The following WNK3 variants were observed in gnomAD, a reference collection of about 807,000 sequenced individuals.
WNK3 encodes WNK lysine deficient protein kinase 3, also known as serine/threonine-protein kinase WNK3.
A neutral mutation model predicts 116.7 loss-of-function variants in WNK3; 18 were observed. That is an observed-to-expected ratio of 0.15 (90% confidence interval 0.11 to 0.23). WNK3 has a LOEUF of 0.23. Among genes scored for constraint, WNK3 ranks in the 10% least tolerant of loss-of-function variants. WNK3 has a pLI of 1.00. For missense variants in WNK3, 993 were observed against 1,323.8 expected (o/e 0.75, Z 3.88); for synonymous variants, 404 against 469.4 (o/e 0.86, Z 1.80).
At chrX:54,292,706 CAA>C (rs1180750751) in intron 10 of WNK3, among the ~76,000 whole-genome samples, 180 bp downstream of exon 10, 1 of 22,471 alleles carries the variant, frequency 4.5e-5, no homozygotes, top group Non-Finnish European at 9.0e-5. Flanking sequence ...CACTCCACCT[CAA>C]AAAAAAAAAA....
chrX:54,211,345 G>T (rs1415561724), intron 22 of WNK3, among the ~76,000 whole-genome samples: 1 of 108,546 alleles, frequency 9.2e-6, no homozygotes, highest in Non-Finnish European at 1.9e-5. Flanking sequence ...GGGAGACTGA[G>T]GTGGGAGGAT....
chrX:54,270,260 C>A (rs57732697), intron 10 of WNK3, among the ~76,000 whole-genome samples: 3,462 of 109,613 alleles, frequency 0.032, 139 homozygotes, highest in African/African-American at 0.11. Flanking sequence ...CATGCACCAC[C>A]ACGCCCAGCT....
intron 22 of WNK3, among the ~76,000 whole-genome samples, chrX:54,218,920 A>G (rs141695736): frequency 2.3e-4 from 26 of 111,810 alleles, no homozygotes; most frequent in Non-Finnish European, 4.1e-4. Flanking sequence ...TGTCTCATAA[A>G]TAAATTGATA....
rs1006114774 is a variant in WNK3 at position 54,293,053 on chromosome X, G to T, written c.1888-16C>A. On this transcript the variant is annotated splice_polypyrimidine_tract_variant and intron_variant, in intron 9 of 23. Transcript: ENST00000354646. ...GCTTCTGTAACTGTTAAAATAAGGG[G>T]AAAAAAAGATTAAAGATAAACTTTC... 4.2e-6 allele frequency: 5 copies of T among 1,197,490 alleles called. No individual in the cohort carries two copies. Among genetic ancestry groups the T allele is most frequent in the Middle Eastern group, 2.3e-4 (1 of 4,305 alleles).
intron 2 of WNK3, among the ~76,000 whole-genome samples, chrX:54,321,985 A>C (rs1481919758): frequency 9.9e-6 from 1 of 101,185 alleles, no homozygotes; most frequent in African/African-American, 3.9e-5. Flanking sequence ...CTCCATCCCA[A>C]AAAAAAAAAA....
Position 54,201,600 on chromosome X carries a change from T to A in WNK3, c.5073+391A>T, listed in dbSNP as rs782637561. On this transcript the variant is annotated intron_variant, in intron 23 of 23. Transcript: ENST00000354646. ...TTCTTTGATACTTGCTGGATTTTTT[T>A]AAAAAAATAGAACAGTCTAAAACAA... Among the ~76,000 whole-genome samples, 7 of 111,844 alleles carry A rather than the reference T, an allele frequency of 6.3e-5. No individual in the cohort carries two copies. In the East Asian group the frequency reaches 8.3e-4, roughly 13 times the overall value.
intron 10 of WNK3, among the ~76,000 whole-genome samples, chrX:54,261,051 C>T (rs111350804): frequency 1.2e-3 from 130 of 109,368 alleles, no homozygotes; most frequent in Middle Eastern, 4.7e-3. Context: ...TTGTTTAAAA[C>T]TGCAGCCAGC....
At position 54,208,714 on chromosome X, in the gene WNK3, G is replaced by A. The variant is rs781870375; in HGVS notation, c.4871-6521C>T. Reference sequence around the variant, plus strand: ...TTTTATTATGTCTTGGGATCTCCCAGACCACCCACACATTCAGTGATTCAC... The same window carrying A: ...TTTTATTATGTCTTGGGATCTCCCAAACCACCCACACATTCAGTGATTCAC... On this transcript the variant is annotated intron_variant, in intron 22 of 23. Coordinates refer to ENST00000354646, the Ensembl canonical transcript of WNK3. 9.5e-4 allele frequency among the ~76,000 whole-genome samples: 106 copies of A among 111,898 alleles called. 1 individual carries two copies. The highest frequency in any genetic ancestry group is 1.8e-3 in the Admixed American group (19 of 10,511).
At chrX:54,292,706 C>CAAAAAA (rs1180750751) in intron 10 of WNK3, among the ~76,000 whole-genome samples, 182 bp downstream of exon 10, 2 of 22,486 alleles carry the variant, frequency 8.9e-5, no homozygotes, top group African/African-American at 1.6e-4. Context: ...CACTCCACCT[C>CAAAAAA]AAAAAAAAAA....
chrX:54,218,755 G>A (rs1432329986), intron 22 of WNK3, among the ~76,000 whole-genome samples: 2 of 109,195 alleles, frequency 1.8e-5, no homozygotes, highest in Non-Finnish European at 3.8e-5. Flanking sequence ...GTGGTGGTGC[G>A]CGTCTGTAAT....
At chrX:54,206,470 C>T (rs2067555117) in intron 22 of WNK3, among the ~76,000 whole-genome samples, 3 of 111,945 alleles carry the variant, frequency 2.7e-5, no homozygotes, top group African/African-American at 9.7e-5. Flanking sequence ...TGACGATTTG[C>T]TTAAATGTCA....
chrX:54,294,206 G>A, intron 8 of WNK3, among the ~76,000 whole-genome samples: 1 of 111,198 alleles, frequency 9.0e-6, no homozygotes, highest in African/African-American at 3.3e-5. Flanking sequence ...ATTTATGTTA[G>A]ACCCTCAAAA....
intron 10 of WNK3, among the ~76,000 whole-genome samples, chrX:54,288,797 T>C (rs1324867254): frequency 3.6e-5 from 4 of 111,572 alleles, no homozygotes; most frequent in Admixed American, 9.6e-5. Context: ...TTTGTTCCAA[T>C]GTTGAAGAAG....
At chrX:54,276,392 A>G (rs1405789361) in intron 10 of WNK3, among the ~76,000 whole-genome samples, 2 of 111,451 alleles carry the variant, frequency 1.8e-5, no homozygotes, top group Non-Finnish European at 3.8e-5. Flanking sequence ...AGAAATACAT[A>G]TATCTACAAT....
chrX:54,236,938 T>C (rs782798378), exon 20 of WNK3: 31 of 1,188,505 alleles, frequency 2.6e-5, no homozygotes, highest in Non-Finnish European at 3.4e-5. Context: ...CAGTCCTTAC[T>C]TTTCTCGTAA....
intron 19 of WNK3, 78 bp downstream of exon 19, chrX:54,238,264 A>T: frequency 9.2e-7 from 1 of 1,092,096 alleles, no homozygotes. Context: ...TGGAAGTATC[A>T]TCTACAGACC....
intron 17 of WNK3, among the ~76,000 whole-genome samples, chrX:54,245,145 C>T (rs868932913): frequency 5.3e-4 from 45 of 84,661 alleles, no homozygotes; most frequent in African/African-American, 1.8e-3. Flanking sequence ...CATATATATG[C>T]GTGTGTGTGT....
chrX:54,305,027 C>T lies in WNK3; in HGVS notation c.1089+2895G>A, dbSNP rs782153315. Among the ~76,000 whole-genome samples the T allele has an allele frequency of 1.7e-4, 18 of 108,909 alleles. 1 individual carries two copies. In the East Asian group the frequency reaches 4.3e-3, roughly 26 times the overall value. 94.6% of individuals were successfully genotyped at this position (108,909 alleles called of 115,157 possible). On this transcript the variant is annotated intron_variant, in intron 5 of 23. Coordinates refer to ENST00000354646, the Ensembl canonical transcript of WNK3. The stretch of plus-strand genomic sequence containing the variant: ...CTAGCCAGGTGTGGAGGCGCATGCC[C>T]GTAATCCCAGCTACTTGGGAGGCTG...
intron 21 of WNK3, among the ~76,000 whole-genome samples, chrX:54,231,446 G>C (rs782260803): frequency 8.9e-6 from 1 of 112,127 alleles, no homozygotes; most frequent in Non-Finnish European, 1.9e-5. Flanking sequence ...CCAGGACTGT[G>C]TTCCTTCTGA....
Sources: allele counts gnomAD v4.1 joint callset (sites outside exome capture counted in the v4.1 genomes callset), GRCh38; gene constraint gnomAD v4.1.1; transcripts MANE v1.5; gene names NCBI Gene and HGNC (gene_info 2026-07-23, HGNC 2026-07-21).